Variants in ACSS2 observed in about 807,000 individuals in gnomAD.
ACSS2 encodes acyl-CoA synthetase short chain family member 2, also known as acetyl-coenzyme A synthetase, cytoplasmic.
Under a neutral mutation model 90.6 loss-of-function variants are expected in ACSS2, and 58 were observed. That is an observed-to-expected ratio of 0.64 (90% CI 0.52 to 0.80). ACSS2 has a LOEUF of 0.80. Among genes scored for constraint, ACSS2 ranks in the 30% least tolerant of loss-of-function variants. ACSS2 has a pLI of 0.00. For synonymous variants in ACSS2, 300 were observed against 330.9 expected (o/e 0.91, Z 1.01); for missense variants, 759 against 912.0 (o/e 0.83, Z 2.16).
upstream of ACSS2, chr20:34,876,454 C>A: frequency 1.9e-6 from 1 of 528,666 alleles, no homozygotes; most frequent in Non-Finnish European, 2.9e-6. Context: ...TCTGTCCTTG[C>A]CAACCTCGAT....
At chr20:34,887,724 A>G (rs1467406271) in intron 2 of ACSS2, among the ~76,000 whole-genome samples, 2 of 147,540 alleles carry the variant, frequency 1.4e-5, no homozygotes, top group African/African-American at 5.0e-5. Flanking sequence ...CTGGGCGACA[A>G]GAGCGAAACT....
intron 14 of ACSS2, among the ~76,000 whole-genome samples, chr20:34,924,889 G>A (rs1350121749): frequency 1.3e-5 from 2 of 151,354 alleles, no homozygotes; most frequent in African/African-American, 2.4e-5. Flanking sequence ...TAGTAGAGAC[G>A]GGGTTTCACC....
chr20:34,906,811 C>T (rs2147053990), intron 2 of ACSS2, among the ~76,000 whole-genome samples: 1 of 151,844 alleles, frequency 6.6e-6, no homozygotes, highest in Admixed American at 6.6e-5. Context: ...CTTGAAACCC[C>T]GTCTCTACTA....
chr20:34,902,711 T>TTTAA (rs376201305), intron 2 of ACSS2, among the ~76,000 whole-genome samples: 171 of 151,816 alleles, frequency 1.1e-3, no homozygotes, highest in South Asian at 2.9e-3. Context: ...TTTATTGTTG[T>TTTAA]TTAATTAATT....
At chr20:34,900,166 CTT>C (rs34951413) in intron 2 of ACSS2, among the ~76,000 whole-genome samples, 7 of 79,208 alleles carry the variant, frequency 8.8e-5, no homozygotes, top group African/African-American at 2.5e-4. Flanking sequence ...CATGCCTGAC[CTT>C]TTTTTTTTTT....
At chr20:34,875,861 G>A (rs563063059), upstream of ACSS2, 1 of 152,500 alleles carries the variant, frequency 6.6e-6, no homozygotes, top group South Asian at 2.1e-4. Context: ...AGATCTGGAT[G>A]GAGATTTGTG....
intron 2 of ACSS2, among the ~76,000 whole-genome samples, chr20:34,898,182 G>A (rs1461775638): frequency 6.6e-6 from 1 of 152,118 alleles, no homozygotes; most frequent in Non-Finnish European, 1.5e-5. Context: ...TTATTGCAAA[G>A]AGCAAAAGAA....
At chr20:34,909,194 CAA>C (rs759144830) in intron 2 of ACSS2, among the ~76,000 whole-genome samples, 6 of 45,112 alleles carry the variant, frequency 1.3e-4, no homozygotes, top group Admixed American at 4.7e-4. Flanking sequence ...CCTGTCTTTG[CAA>C]AAAAAAAAAA....
In ACSS2 at chr20:34,876,741, G is replaced by C; in HGVS notation, c.96G>C (p.Pro32=). ...GCCGGGCGCGGAGTTGGTCTCCGCC[G>C]CCCGAGGTCAGCCGCTCCGCGCACG... The part of the protein sequence containing the change: ...AGGRARSWSP[P]PEVSRSAHVP... The change falls in exon 1 of 18, where the codon CCG becomes CCC. Residue 32 remains proline, a synonymous_variant. Transcript: ENST00000360596. The C allele has an allele frequency of 7.0e-7, 1 of 1,437,706 alleles. No homozygotes were observed. Among genetic ancestry groups the C allele is most frequent in the African/African-American group, 1.5e-5 (1 of 67,312 alleles). The allele number at this position is 1,437,706 out of a possible 1,614,324, so 89.1% of individuals were successfully genotyped here.
At chr20:34,882,448 C>A (rs1473570592) in intron 1 of ACSS2, among the ~76,000 whole-genome samples, 3 of 151,930 alleles carry the variant, frequency 2.0e-5, no homozygotes, top group African/African-American at 7.3e-5. Flanking sequence ...ATAGTGAAAC[C>A]CCGTCTCTAC....
chr20:34,921,337 C>A lies in ACSS2; in HGVS notation c.1285C>A (p.Arg429=), dbSNP rs753221563. Residue 429 remains arginine (R), a synonymous_variant, in exon 11 of 18, where the codon CGG becomes AGG. Transcript: ENST00000360596. The part of the protein sequence containing the change: ...FGDEPVTKHS[R]ASLQVLGTVG... ...CCCATTCCCCTGCCCCAGGCATAGC[C>A]GGGCATCCTTGCAGGTGTTAGGCAC... 11 of 1,614,046 alleles carry A rather than the reference C, an allele frequency of 6.8e-6. No homozygotes were observed. The Admixed American group carries it at 1.5e-4, about 22-fold the overall frequency.
At chr20:34,900,214 A>G (rs1363206740) in intron 2 of ACSS2, among the ~76,000 whole-genome samples, 1 of 119,734 alleles carries the variant, frequency 8.4e-6, no homozygotes, top group African/African-American at 3.3e-5. Flanking sequence ...TCTGTCGCCC[A>G]GGCTGGAGTG....
At chr20:34,911,076 T>G (rs1046047980) in intron 2 of ACSS2, among the ~76,000 whole-genome samples, 34 of 152,106 alleles carry the variant, frequency 2.2e-4, no homozygotes, top group Non-Finnish European at 5.0e-4. Context: ...GTGATCCTCC[T>G]GCCTTGGCCT....
intron 8 of ACSS2, among the ~76,000 whole-genome samples, chr20:34,920,249 A>C (rs1411059696): frequency 2.0e-5 from 3 of 152,094 alleles, no homozygotes; most frequent in Non-Finnish European, 2.9e-5. Flanking sequence ...GACTATTATG[A>C]GTGTGCTATG....
At position 34,923,324 on chromosome 20, in the gene ACSS2, T is replaced by C; in HGVS notation, c.1550T>C (p.Val517Ala). 1.2e-6 allele frequency: 2 copies of C among 1,611,472 alleles called. No individual in the cohort carries two copies. Among genetic ancestry groups the C allele is most frequent in the Non-Finnish European group, 1.7e-6 (2 of 1,177,638 alleles). ...ELEGEAEGYL[V>A]FKQPWPGIMR... ...CACTGTCCCTTCCTCACTCCCCAGG[T>C]GTTCAAGCAGCCCTGGCCAGGGATC... Residue 517 changes from valine to alanine, a missense_variant and splice_region_variant, in exon 14 of 18, where the codon GTG becomes GCG. Val to Ala is a moderately conservative substitution (Grantham distance 64). Coordinates refer to ENST00000360596, the MANE Select transcript of ACSS2 (RefSeq NM_018677.4).
chr20:34,914,395 C>T lies in ACSS2; in HGVS notation c.792C>T (p.Thr264=). The T allele has an allele frequency of 6.2e-7, 1 of 1,613,920 alleles. No homozygotes were observed. The highest frequency in any genetic ancestry group is 8.5e-7 in the Non-Finnish European group (1 of 1,179,936). ...CAGAGCTCGGCATGGGTGACTCCAC[C>T]AGCCAGTCCCCCCCAATTAAGAGGT... ...GRAELGMGDS[T]SQSPPIKRSC... Residue 264 remains threonine, a synonymous_variant, in exon 7 of 18, where the codon ACC becomes ACT. Transcript: ENST00000360596.
At position 34,920,573 on chromosome 20, in the gene ACSS2, A is replaced by G. The variant is rs375929217; in HGVS notation, c.1007A>G (p.Tyr336Cys). ...VVHTVGGYML[Y>C]VATTFKYVFD... ...CACACAGTTGGGGGCTACATGCTCT[A>G]TGTAGCCACAACCTTCAAGTATGTG... Residue 336 changes from tyrosine (Y) to cysteine (C), a missense_variant, in exon 9 of 18, where the codon TAT (tyrosine) becomes TGT (cysteine). By Grantham distance (194) the Tyr-to-Cys change is radical. Transcript: ENST00000360596. The G allele has an allele frequency of 5.0e-6, 8 of 1,614,034 alleles. No homozygotes were observed. In the African/African-American group the frequency reaches 5.3e-5, roughly 11 times the overall value.
chr20:34,884,037 C>T (rs745998056), intron 2 of ACSS2, among the ~76,000 whole-genome samples: 1 of 152,138 alleles, frequency 6.6e-6, no homozygotes, highest in Non-Finnish European at 1.5e-5. Context: ...GCCCTGCCTC[C>T]CCTGCTCAAG....
intron 1 of ACSS2, among the ~76,000 whole-genome samples, chr20:34,879,584 G>A (rs574259302): frequency 6.6e-6 from 1 of 151,030 alleles, no homozygotes; most frequent in South Asian, 2.1e-4. Flanking sequence ...ATTCAGTTTT[G>A]TAGCCAAACA....
Sources: allele counts gnomAD v4.1 joint callset (sites outside exome capture counted in the v4.1 genomes callset), GRCh38; gene constraint gnomAD v4.1.1; transcripts MANE v1.5; gene names NCBI Gene and HGNC (gene_info 2026-07-23, HGNC 2026-07-21).